The following RNF130 variants were observed in gnomAD, a reference collection of about 807,000 sequenced individuals.
RNF130 encodes the protein E3 ubiquitin-protein ligase RNF130.
RNF130 carries 21 observed loss-of-function variants against 44.6 expected under a neutral mutation model. The observed-to-expected ratio is 0.47, with a 90% CI of 0.33 to 0.68. RNF130 has a LOEUF of 0.68. Ranked by LOEUF, RNF130 falls within the 30% of genes least tolerant of loss-of-function variation. The probability of loss-of-function intolerance (pLI) is 0.02; values close to 1 mark genes in which losing one functional copy is unlikely to be tolerated. For missense variants in RNF130, 479 were observed against 560.6 expected, an observed-to-expected ratio of 0.85 and a Z score of 1.47; for synonymous variants, 214 against 210.4, an observed-to-expected ratio of 1.02 and a Z score of -0.15.
intron 3 of RNF130, among the ~76,000 whole-genome samples, chr5:179,985,423 G>A (rs1429678418): frequency 6.6e-6 from 1 of 152,008 alleles, no homozygotes; most frequent in Non-Finnish European, 1.5e-5. Flanking sequence ...TAAGCCGTAA[G>A]GGTCCTTAGG....
At chr5:179,967,805 CA>C (rs1186460277) in intron 6 of RNF130, among the ~76,000 whole-genome samples, 3 of 152,094 alleles carry the variant, frequency 2.0e-5, no homozygotes, top group Non-Finnish European at 4.4e-5. Flanking sequence ...GCTTCCTGGG[CA>C]AAAGAACTGT....
intron 1 of RNF130, among the ~76,000 whole-genome samples, chr5:180,063,651 G>A (rs1445533535): frequency 6.6e-6 from 1 of 152,146 alleles, no homozygotes; most frequent in Non-Finnish European, 1.5e-5. Flanking sequence ...TCTCAGTGTT[G>A]TCTTATTTCA....
chr5:180,048,476 G>T (rs949730527), intron 1 of RNF130, among the ~76,000 whole-genome samples: 10 of 152,104 alleles, frequency 6.6e-5, no homozygotes, highest in Non-Finnish European at 1.3e-4. Context: ...GACTTAGATT[G>T]ATTAAAAATA....
intron 1 of RNF130, among the ~76,000 whole-genome samples, chr5:180,051,081 G>GCTTA (rs1226889268): frequency 6.6e-6 from 1 of 152,076 alleles, no homozygotes; most frequent in Non-Finnish European, 1.5e-5. Context: ...GGGATTACAG[G>GCTTA]CGTAAGCCAC....
chr5:179,956,777 C>G (rs1233413695), intron 8 of RNF130, among the ~76,000 whole-genome samples: 30 of 152,240 alleles, frequency 2.0e-4, no homozygotes, highest in Non-Finnish European at 2.9e-5. Context: ...CACTCTCCAG[C>G]CACATCAGTA....
At chr5:179,953,516 T>C (rs1343688791), downstream of RNF130, among the ~76,000 whole-genome samples, 1 of 152,254 alleles carries the variant, frequency 6.6e-6, no homozygotes, top group African/African-American at 2.4e-5. Context: ...GCCAAGACCA[T>C]TTAATGGAGG....
chr5:179,990,457 G>C (rs1298712266), intron 3 of RNF130, among the ~76,000 whole-genome samples: 2 of 152,216 alleles, frequency 1.3e-5, no homozygotes, highest in Admixed American at 1.3e-4. Context: ...AGCGGACCAG[G>C]GGCGTGACCG....
chr5:179,945,707 G>A (rs1339793469), intron 7 of RNF130, among the ~76,000 whole-genome samples: 1 of 152,092 alleles, frequency 6.6e-6, no homozygotes, highest in African/African-American at 2.4e-5. Flanking sequence ...GAGGGACAAT[G>A]GAAATTCAAT....
intron 3 of RNF130, among the ~76,000 whole-genome samples, chr5:179,988,470 T>C (rs1763003653): frequency 1.3e-5 from 2 of 152,234 alleles, no homozygotes; most frequent in Admixed American, 1.3e-4. Flanking sequence ...GCTTTTCCAG[T>C]TCCTTGAGGT....
intron 2 of RNF130, among the ~76,000 whole-genome samples, chr5:180,035,396 A>G (rs554371985): frequency 6.6e-6 from 1 of 152,334 alleles, no homozygotes; most frequent in East Asian, 1.9e-4. Context: ...TTGAAAATAT[A>G]TTCAGACTTG....
chr5:179,979,017 G>A (rs1324709407), intron 4 of RNF130, among the ~76,000 whole-genome samples: 2 of 152,114 alleles, frequency 1.3e-5, no homozygotes, highest in African/African-American at 4.8e-5. Context: ...GACAACTCTT[G>A]CCAGGTCTAG....
At chr5:179,955,815 G>A (rs1174907438) in intron 8 of RNF130, 146 bp from the exon 9 acceptor site, 1 of 582,626 alleles carries the variant, frequency 1.7e-6, no homozygotes, top group East Asian at 2.8e-5. Context: ...GCCATTAAGT[G>A]TTTTCCCAAA....
intron 3 of RNF130, among the ~76,000 whole-genome samples, chr5:180,003,950 C>T (rs1474925002): frequency 6.6e-6 from 1 of 152,228 alleles, no homozygotes; most frequent in African/African-American, 2.4e-5. Context: ...GTGCTAGGTA[C>T]TGTTCTAAGC....
At chr5:180,037,940 C>T (rs1005094220) in intron 2 of RNF130, among the ~76,000 whole-genome samples, 2 of 152,238 alleles carry the variant, frequency 1.3e-5, no homozygotes, top group Middle Eastern at 3.4e-3. Context: ...AAACTATACC[C>T]CTGCATTTCT....
intron 7 of RNF130, among the ~76,000 whole-genome samples, chr5:179,933,115 CAGA>C (rs1170798711): frequency 6.6e-6 from 1 of 152,170 alleles, no homozygotes; most frequent in East Asian, 1.9e-4. Context: ...GCAAGATCCA[CAGA>C]AGGACTTGGG....
intron 1 of RNF130, among the ~76,000 whole-genome samples, chr5:180,047,107 G>A (rs975934396): frequency 3.9e-5 from 6 of 152,096 alleles, no homozygotes; most frequent in Admixed American, 2.6e-4. Context: ...TAGTTACCCC[G>A]GATTTAGATT....
chr5:179,972,742 C>T lies in RNF130; in HGVS notation c.849-2236G>A, dbSNP rs1319938059. Among the ~76,000 whole-genome samples the T allele has an allele frequency of 5.3e-4, 81 of 152,172 alleles. 2 individuals carry two copies. Among genetic ancestry groups the T allele is most frequent in the Admixed American group, 5.3e-3 (81 of 15,278 alleles). Reference sequence around the variant, plus strand: ...TTTCTTATTGTTCCGTCTTTCTTTTCTCTTACTATCCAGAAAGAACCAAAT... The same window carrying T: ...TTTCTTATTGTTCCGTCTTTCTTTTTTCTTACTATCCAGAAAGAACCAAAT... On this transcript the variant is annotated intron_variant, in intron 5 of 8. Transcript: ENST00000521389.
chr5:180,056,169 T>C (rs1764816168), intron 1 of RNF130, among the ~76,000 whole-genome samples: 1 of 151,314 alleles, frequency 6.6e-6, no homozygotes, highest in East Asian at 1.9e-4. Context: ...AACTAGAAAA[T>C]ATCATGAAGA....
chr5:179,942,065 G>A (rs540837240), intron 7 of RNF130, among the ~76,000 whole-genome samples: 4 of 152,000 alleles, frequency 2.6e-5, no homozygotes, highest in South Asian at 2.1e-4. Context: ...TTCACATCAT[G>A]CCAATAAATA....
Sources: gnomAD v4.1 joint callset for allele counts (sites outside exome capture counted in the v4.1 genomes callset) on GRCh38, gnomAD v4.1.1 for gene constraint, MANE v1.5 for transcripts, NCBI Gene and HGNC (gene_info 2026-07-23, HGNC 2026-07-21) for gene names.